The following AMZ1 variants were observed in gnomAD, a reference collection of about 807,000 sequenced individuals.
The protein encoded by AMZ1 is archaelysin family metallopeptidase 1.
Under a neutral mutation model 29.9 loss-of-function variants are expected in AMZ1, and 39 were observed. The observed-to-expected ratio is 1.30, with a 90% CI of 1.01 to 1.70. The LOEUF (loss-of-function observed/expected upper bound fraction) is 1.70. Ranked by LOEUF, AMZ1 falls within the 40% of genes most tolerant of loss-of-function variation. The pLI is 0.00. For synonymous variants in AMZ1, 458 were observed against 304.0 expected (o/e 1.51, Z -5.27); for missense variants, 1,041 against 680.6 (o/e 1.53, Z -5.89).
intron 6 of AMZ1, among the ~76,000 whole-genome samples, chr7:2,711,595 AT>A (rs952417504): frequency 6.6e-6 from 1 of 151,936 alleles, no homozygotes; most frequent in Admixed American, 6.6e-5. Flanking sequence ...TTTGCTTTAC[AT>A]TTTTTTCCCC....
At chr7:2,738,321 G>A (rs59184679) in intron 4 of AMZ1, among the ~76,000 whole-genome samples, 3,456 of 151,982 alleles carry the variant, frequency 0.023, 124 homozygotes, top group African/African-American at 0.079. Flanking sequence ...TTCACTGGCA[G>A]AAATACAAAG....
Position 2,702,814 on chromosome 7 carries a change from C to A in AMZ1, c.397C>A (p.Pro133Thr), listed in dbSNP as rs375783125. 18 of 1,554,178 alleles carry A rather than the reference C, an allele frequency of 1.2e-5. No homozygotes were observed. In the African/African-American group the frequency reaches 2.3e-4, roughly 20 times the overall value. ...FFLGLRVKCL[P>T]SVAAASIRCS... ...CCTGGGCCTGCGCGTCAAGTGCCTG[C>A]CGTCGGTGGCAGCCGCGTCCATCCG... Residue 133 changes from proline to threonine, a missense_variant, in exon 3 of 7, where the codon CCG becomes ACG. Physicochemically the swap from Pro to Thr is conservative, Grantham distance 38 (BLOSUM62 -1). Transcript: ENST00000683327.
rs144242890 is a variant in AMZ1 at position 2,709,907 on chromosome 7, C to T, written c.948+91C>T. 687 of 1,519,938 alleles carry T rather than the reference C, an allele frequency of 4.5e-4. 3 individuals are homozygous for T. In the African/African-American group the frequency reaches 5.0e-3, roughly 11 times the overall value. The allele number at this position is 1,519,938 out of a possible 1,614,324, so 94.2% of individuals were successfully genotyped here. A position where few individuals can be genotyped will look rare whatever the true frequency, so the allele number is the denominator to read the frequency against. ...TGGAGGCTACGCAGGGCATGGGGACCGCACACAGGCTTTGTCAACTGCCGG... is the reference window on the plus strand; with the variant it reads ...TGGAGGCTACGCAGGGCATGGGGACTGCACACAGGCTTTGTCAACTGCCGG... On this transcript the variant is annotated intron_variant, in intron 6 of 6. Transcript: ENST00000683327.
rs1243329158 is a variant in AMZ1, at chr7:2,717,507, C to T, written c.*4629C>T. ...ACCCCGCACGCAGGCTGCTCCAGAGCTGAAATCTAGCTGTGATCCCTGTGG... is the reference window on the plus strand; with the variant it reads ...ACCCCGCACGCAGGCTGCTCCAGAGTTGAAATCTAGCTGTGATCCCTGTGG... On this transcript the variant is annotated 3_prime_UTR_variant, in exon 7 of 7. Transcript: ENST00000683327. Among the ~76,000 whole-genome samples, 2 of 152,232 alleles carry T rather than the reference C, an allele frequency of 1.3e-5. No individual in the cohort carries two copies. Among genetic ancestry groups the T allele is most frequent in the Non-Finnish European group, 2.9e-5 (2 of 68,038 alleles).
intron 3 of AMZ1, among the ~76,000 whole-genome samples, chr7:2,707,522 G>T (rs989107406): frequency 1.3e-5 from 2 of 152,018 alleles, no homozygotes; most frequent in Non-Finnish European, 1.5e-5. Context: ...CAGCCCCTGG[G>T]CCTCTCCTGT....
chr7:2,757,185 G>A (rs1297044047), intron 4 of AMZ1, among the ~76,000 whole-genome samples: 1 of 141,958 alleles, frequency 7.0e-6, no homozygotes, highest in Admixed American at 7.4e-5. Context: ...ACCCAGGCTG[G>A]AGTGTAGTGG....
At chr7:2,696,665 AC>A (rs1338565578) in intron 1 of AMZ1, among the ~76,000 whole-genome samples, 1 of 151,544 alleles carries the variant, frequency 6.6e-6, no homozygotes, top group Non-Finnish European at 1.5e-5. Flanking sequence ...TGGGCAGATC[AC>A]CTTGAGGTCA....
intron 3 of AMZ1, among the ~76,000 whole-genome samples, chr7:2,703,216 G>A (rs932616335): frequency 2.6e-5 from 4 of 152,040 alleles, no homozygotes; most frequent in Non-Finnish European, 4.4e-5. Context: ...GCGCGATCTC[G>A]GCTCACTGCA....
chr7:2,738,001 C>T (rs1406064023), intron 4 of AMZ1, among the ~76,000 whole-genome samples: 1 of 152,054 alleles, frequency 6.6e-6, no homozygotes, highest in Non-Finnish European at 1.5e-5. Context: ...TTAAATGATA[C>T]CACAGCTGTG....
At position 2,700,600 on chromosome 7, in the gene AMZ1, C is replaced by G. The variant is rs200667897; in HGVS notation, c.149C>G (p.Pro50Arg). ...ERLFLAEAYNPQRTLFCTLLI... is the reference protein window; with the variant it reads ...ERLFLAEAYNRQRTLFCTLLI... ...CTCTTCCTGGCCGAGGCCTACAACCCGCAGAGGACGCTCTTCTGCACCCTG... is the reference window on the plus strand; with the variant it reads ...CTCTTCCTGGCCGAGGCCTACAACCGGCAGAGGACGCTCTTCTGCACCCTG... The change falls in exon 2 of 7, where the codon CCG becomes CGG. Residue 50 changes from proline (P) to arginine (R), a missense_variant. Pro to Arg is a moderately radical substitution (Grantham distance 103). Transcript: ENST00000683327. 1.2e-6 allele frequency: 2 copies of G among 1,610,570 alleles called. No individual in the cohort carries two copies. The highest frequency in any genetic ancestry group is 2.2e-5 in the South Asian group (2 of 91,090).
chr7:2,708,691 C>A lies in AMZ1; in HGVS notation c.576C>A (p.Thr192=), dbSNP rs751520774. 1.7e-5 allele frequency: 28 copies of A among 1,613,082 alleles called. 1 individual carries two copies. The Middle Eastern group carries it at 5.0e-4, about 29-fold the overall frequency. ...DLYPHEAWSF[T]FSKFLPGHEV... The stretch of plus-strand genomic sequence containing the variant: ...ACCCCCATGAGGCCTGGAGCTTCAC[C>A]TTCAGCAAGTTCCTTCCAGGGCACG... The change falls in exon 4 of 7, where the codon ACC becomes ACA. Residue 192 remains threonine, a synonymous_variant. Transcript: ENST00000683327.
At chr7:2,681,027 G>A (rs1786864226) in intron 1 of AMZ1, among the ~76,000 whole-genome samples, 1 of 152,354 alleles carries the variant, frequency 6.6e-6, no homozygotes, top group African/African-American at 2.4e-5. Flanking sequence ...CCAGGACGCT[G>A]AGCACCGACT....
intron 4 of AMZ1, among the ~76,000 whole-genome samples, chr7:2,750,299 A>G (rs1790970705): frequency 6.6e-6 from 1 of 152,356 alleles, no homozygotes; most frequent in East Asian, 1.9e-4. Flanking sequence ...GCAGAGGCAG[A>G]CAGGCAAATG....
At chr7:2,729,008 G>C (rs1227721248) in intron 4 of AMZ1, 1 of 152,396 alleles carries the variant, frequency 6.6e-6, no homozygotes, top group South Asian at 2.1e-4. Context: ...CTTCTGGTTT[G>C]AAAGTGACGA....
chr7:2,736,268 C>T (rs892794695), intron 4 of AMZ1, among the ~76,000 whole-genome samples: 3 of 152,172 alleles, frequency 2.0e-5, no homozygotes, highest in South Asian at 2.1e-4. Flanking sequence ...ACGGCTGCTG[C>T]GGTCACACGA....
Position 2,699,703 on chromosome 7 carries a change from C to T in AMZ1, c.-218-531C>T, listed in dbSNP as rs145363114. On this transcript the variant is annotated intron_variant, in intron 1 of 6. Coordinates refer to ENST00000683327, the MANE Select transcript of AMZ1 (RefSeq NM_001384743.1). ...ATGGGGGCTCTGGGTAAGGAGGAAC[C>T]CCAGGCGATGGGGGGACCCAGGTGA... Among the ~76,000 whole-genome samples the T allele has an allele frequency of 5.8e-3, 885 of 152,182 alleles. 14 individuals are homozygous for T. Among genetic ancestry groups the T allele is most frequent in the African/African-American group, 0.02 (837 of 41,504 alleles).
At chr7:2,740,466 G>A (rs1790443887) in intron 4 of AMZ1, among the ~76,000 whole-genome samples, 2 of 152,164 alleles carry the variant, frequency 1.3e-5, no homozygotes, top group Non-Finnish European at 2.9e-5. Context: ...TCCCTCACCA[G>A]AACCTGATGG....
chr7:2,762,991 C>T (rs1210708846), upstream of AMZ1: 7 of 1,301,080 alleles, frequency 5.4e-6, no homozygotes, highest in Non-Finnish European at 6.8e-6. Context: ...CCCTTGTGTG[C>T]TACTGTGGTC....
At chr7:2,701,058 C>G (rs1583160462) in intron 2 of AMZ1, among the ~76,000 whole-genome samples, 1 of 152,202 alleles carries the variant, frequency 6.6e-6, no homozygotes, top group African/African-American at 2.4e-5. Flanking sequence ...ATCCCAGGCA[C>G]TGTGCTGCGG....
Sources: allele counts gnomAD v4.1 joint callset (sites outside exome capture counted in the v4.1 genomes callset), GRCh38; gene constraint gnomAD v4.1.1; transcripts MANE v1.5; gene names NCBI Gene and HGNC (gene_info 2026-07-23, HGNC 2026-07-21).